The following BLM variants were observed in gnomAD, a reference collection of about 807,000 sequenced individuals.
BLM encodes recQ-like DNA helicase BLM.
BLM carries 95 observed loss-of-function variants against 135.3 expected under a neutral mutation model. The observed-to-expected ratio is 0.70, with a 90% CI of 0.59 to 0.83. The LOEUF (loss-of-function observed/expected upper bound fraction) is 0.83, where lower values mean the gene tolerates loss of function less well. Ranked by LOEUF, BLM falls within the 40% of genes least tolerant of loss-of-function variation. The pLI is 0.00. For missense variants in BLM, 1,518 were observed against 1,663.9 expected (o/e 0.91, Z 1.53); for synonymous variants, 520 against 589.2 (o/e 0.88, Z 1.70).
In BLM at chr15:90,761,069, G is replaced by A; in HGVS notation, c.1696G>A (p.Asp566Asn). Residue 566 changes from aspartate to asparagine, a missense_variant, in exon 7 of 22, where the codon GAC (aspartate) becomes AAC (asparagine). Coordinates refer to ENST00000355112, the MANE Select transcript of BLM (RefSeq NM_000057.4). ...FDIDDFDDDD[D>N]WEDIMHNLAA... Reference sequence around the variant, plus strand: ...CATAGATGACTTTGATGATGATGATGACTGGGAAGACATAATGCATAATTT... The same window carrying A: ...CATAGATGACTTTGATGATGATGATAACTGGGAAGACATAATGCATAATTT... 1 of 1,576,620 alleles carries A rather than the reference G, an allele frequency of 6.3e-7. No homozygotes were observed. Among genetic ancestry groups the A allele is most frequent in the Non-Finnish European group, 8.6e-7 (1 of 1,164,806 alleles).
At chr15:90,768,680 T>C (rs1281407208) in intron 10 of BLM, among the ~76,000 whole-genome samples, 2 of 152,228 alleles carry the variant, frequency 1.3e-5, no homozygotes, top group African/African-American at 4.8e-5. Context: ...TGCTGTTCTC[T>C]TCATAGATTG....
chr15:90,769,577 G>C lies in BLM; in HGVS notation c.2546G>C (p.Arg849Thr). The change falls in exon 12 of 22, where the codon AGA becomes ACA. Residue 849 changes from arginine to threonine, a missense_variant. Physicochemically the swap from Arg to Thr is moderately conservative, Grantham distance 71. Coordinates refer to ENST00000355112, the MANE Select transcript of BLM (RefSeq NM_000057.4). ...ATCCTGACTCAGCTGAAGATTCTCA[G>C]ACCTCAGGTGTAAGTTGTTGCACGT... is the stretch of plus-strand genomic sequence containing the variant. ...KDILTQLKILRPQVFSMSFNR... is the reference protein window; with the variant it reads ...KDILTQLKILTPQVFSMSFNR... 6.2e-7 allele frequency: 1 copy of C among 1,613,876 alleles called. No individual in the cohort carries two copies. The highest frequency in any genetic ancestry group is 8.5e-7 in the Non-Finnish European group (1 of 1,179,858).
rs137943857 is a variant in BLM, at chr15:90,758,385, G to A, written c.1088-1762G>A. Among the ~76,000 whole-genome samples, 774 of 152,268 alleles carry A rather than the reference G, an allele frequency of 5.1e-3. 2 individuals are homozygous for A. The highest frequency in any genetic ancestry group is 9.0e-3 in the Admixed American group (137 of 15,296). On this transcript the variant is annotated intron_variant, in intron 5 of 21. Transcript: ENST00000355112. ...GCTTGTAGTCCCAGGCACTCAGGAG[G>A]CTGAGGCAGGAGAATCACTTGAACC...
Position 90,759,606 on chromosome 15 carries a change from TTTC to T in BLM, c.1088-538_1088-536del, listed in dbSNP as rs879754472. Among the ~76,000 whole-genome samples the T allele has an allele frequency of 8.6e-3, 1,305 of 151,852 alleles. 9 individuals carry two copies. The highest frequency in any genetic ancestry group is 0.016 in the Non-Finnish European group (1,070 of 67,956). On this transcript the variant is annotated intron_variant, in intron 5 of 21. Coordinates refer to ENST00000355112, the MANE Select transcript of BLM (RefSeq NM_000057.4). ...CAGACCCCCTTTCTTTCTTTCTTTC[TTTC>T]TTTCTTTTTTTTGTGAGACAAAGTC...
In BLM at chr15:90,797,915, GTGTGTGTGTC is replaced by G. The variant is rs1272826542; in HGVS notation, c.3211-267_3211-258del. ...CATGGAGGATTTAAATTGTGTGTTT[GTGTGTGTGTC>G]TGTGTGTTATATATGTGTTTCTACC... On this transcript the variant is annotated intron_variant, in intron 16 of 21. Transcript: ENST00000355112. 2.0e-5 allele frequency among the ~76,000 whole-genome samples: 3 copies of G among 152,180 alleles called. 1 individual carries two copies. Among genetic ancestry groups the G allele is most frequent in the East Asian group, 3.8e-4 (2 of 5,202 alleles).
At chr15:90,734,696 CAGAGAGAGAGAGAG>C (rs60051515) in intron 1 of BLM, among the ~76,000 whole-genome samples, 1,767 of 146,188 alleles carry the variant, frequency 0.012, 35 homozygotes, top group African/African-American at 0.041. Flanking sequence ...CACACACACG[CAGAGAGAGAGAGAG>C]AGAGAGAGAG....
At chr15:90,729,932 G>A (rs1486327607) in intron 1 of BLM, among the ~76,000 whole-genome samples, 3 of 152,036 alleles carry the variant, frequency 2.0e-5, no homozygotes, top group Admixed American at 6.6e-5. Context: ...TGCAACCTCC[G>A]CCTCCCGGGT....
In BLM at chr15:90,760,692, A is replaced by G. The variant is rs1567040910; in HGVS notation, c.1319A>G (p.Glu440Gly). ...YRPDSLDGPM[E>G]GDSCPTGNSM... is the part of the protein sequence containing the mutation. ...CCTGATTCACTTGATGGCCCTATGG[A>G]GGGTGATTCCTGCCCTACAGGGAAT... is the stretch of plus-strand genomic sequence containing the variant. Residue 440 changes from glutamate to glycine, a missense_variant, in exon 7 of 22, where the codon GAG becomes GGG. Physicochemically the swap from Glu to Gly is moderately conservative, Grantham distance 98. This residue lies in a region of BLM where 724 missense variants were observed against 756.9 expected (regional missense o/e 0.96). Coordinates refer to ENST00000355112, the MANE Select transcript of BLM (RefSeq NM_000057.4). 1 of 1,614,066 alleles carries G rather than the reference A, an allele frequency of 6.2e-7. No individual in the cohort carries two copies. Among genetic ancestry groups the G allele is most frequent in the Non-Finnish European group, 8.5e-7 (1 of 1,179,926 alleles).
chr15:90,760,543 A>C (rs754115821), intron 6 of BLM, 51 bp from the exon 7 acceptor site: 1 of 1,533,228 alleles, frequency 6.5e-7, no homozygotes, highest in African/African-American at 1.4e-5. Flanking sequence ...TTTGTGGCCT[A>C]CCAGAGTAAA....
intron 1 of BLM, among the ~76,000 whole-genome samples, chr15:90,731,148 C>T (rs1895058547): frequency 6.6e-6 from 1 of 152,012 alleles, no homozygotes; most frequent in Non-Finnish European, 1.5e-5. Flanking sequence ...ATCACACTGC[C>T]CAGGCTGGTC....
At chr15:90,754,977 A>G (rs1895780919) in intron 5 of BLM, 39 bp downstream of exon 5, 2 of 1,609,808 alleles carry the variant, frequency 1.2e-6, no homozygotes, top group African/African-American at 1.3e-5. Context: ...TATTTCAACT[A>G]CTTACTTTTG....
chr15:90,749,499 A>G lies in BLM; in HGVS notation c.231A>G (p.Leu77=), dbSNP rs760696149. ...VTEDFSFSEP[L]PNTTNQQRVK... is the part of the protein sequence containing the mutation. ...AAGACTTTTCCTTCAGTGAACCTCT[A>G]CCCAACACCACAAATCAGCAAAGGG... Residue 77 remains leucine, a synonymous_variant, in exon 3 of 22, where the codon CTA becomes CTG. Coordinates refer to ENST00000355112, the MANE Select transcript of BLM (RefSeq NM_000057.4). 2 of 1,614,188 alleles carry G rather than the reference A, an allele frequency of 1.2e-6. No individual in the cohort carries two copies. The highest frequency in any genetic ancestry group is 1.7e-6 in the Non-Finnish European group (2 of 1,180,004).
intron 14 of BLM, among the ~76,000 whole-genome samples, chr15:90,787,764 A>G (rs372031288): frequency 2.6e-5 from 4 of 152,096 alleles, no homozygotes; most frequent in East Asian, 1.9e-4. Context: ...AGCCTGGCCA[A>G]TATGGTGAAA....
At chr15:90,787,886 G>C (rs1896793476) in intron 14 of BLM, among the ~76,000 whole-genome samples, 1 of 151,940 alleles carries the variant, frequency 6.6e-6, no homozygotes, top group Admixed American at 6.6e-5. Flanking sequence ...GGAGCCGAAG[G>C]TTGCAGTGAG....
intron 12 of BLM, among the ~76,000 whole-genome samples, chr15:90,773,053 C>A (rs1896365916): frequency 7.0e-6 from 1 of 142,568 alleles, no homozygotes; most frequent in Non-Finnish European, 1.5e-5. Flanking sequence ...GCCGAGATTG[C>A]ACCACTGCAC....
intron 1 of BLM, among the ~76,000 whole-genome samples, chr15:90,722,155 T>C (rs1894786215): frequency 6.6e-6 from 1 of 151,554 alleles, no homozygotes. Context: ...TCTCTCCCAG[T>C]CTGGAGTGCA....
intron 5 of BLM, among the ~76,000 whole-genome samples, chr15:90,758,978 G>A (rs375982783): frequency 1.3e-5 from 2 of 152,130 alleles, no homozygotes; most frequent in African/African-American, 2.4e-5. Context: ...CCTGTCCAAC[G>A]CTTAACAATA....
intron 12 of BLM, among the ~76,000 whole-genome samples, chr15:90,770,175 C>CCG (rs1555420983): frequency 6.9e-6 from 1 of 144,742 alleles, no homozygotes; most frequent in African/African-American, 2.6e-5. Context: ...AATCCCCCCC[C>CCG]CCTTTTTTTT....
chr15:90,782,128 C>T (rs1896630155), intron 12 of BLM, among the ~76,000 whole-genome samples: 1 of 152,208 alleles, frequency 6.6e-6, no homozygotes, highest in African/African-American at 2.4e-5. Flanking sequence ...TGGCTCATGC[C>T]TGTAATCCCA....
Sources: allele counts gnomAD v4.1 joint callset (sites outside exome capture counted in the v4.1 genomes callset), GRCh38; gene constraint gnomAD v4.1.1; regional missense constraint gnomAD v4.1.1; transcripts MANE v1.5; gene names NCBI Gene and HGNC (gene_info 2026-07-23, HGNC 2026-07-21).